Variants in SLC6A18 observed in about 807,000 individuals in gnomAD.
The protein encoded by SLC6A18 is solute carrier family 6 member 18.
A neutral mutation model predicts 62.9 loss-of-function variants in SLC6A18; 58 were observed. The observed-to-expected ratio is 0.92, with a 90% CI of 0.75 to 1.15. SLC6A18 has a LOEUF of 1.15. Ranked by LOEUF, SLC6A18 falls within the 50% of genes most tolerant of loss-of-function variation. The probability of loss-of-function intolerance (pLI) is 0.00; values close to 1 mark genes in which losing one functional copy is unlikely to be tolerated. For synonymous variants in SLC6A18, 382 were observed against 365.8 expected (o/e 1.04, Z -0.51); for missense variants, 793 against 836.6 (o/e 0.95, Z 0.64).
chr5:1,240,391 A>G, intron 6 of SLC6A18, 140 bp from the exon 7 acceptor site: 5 of 1,273,378 alleles, frequency 3.9e-6, no homozygotes, highest in Non-Finnish European at 4.3e-6. Context: ...CAGGACTGGC[A>G]GCAGCAGCCC....
intron 6 of SLC6A18, among the ~76,000 whole-genome samples, chr5:1,239,775 G>A (rs1296137255): frequency 6.6e-6 from 1 of 152,188 alleles, no homozygotes; most frequent in African/African-American, 2.4e-5. Context: ...CAGGAACCAG[G>A]GTGTAACTGG....
chr5:1,231,149 C>T (rs965667788), intron 1 of SLC6A18, among the ~76,000 whole-genome samples: 2 of 152,292 alleles, frequency 1.3e-5, no homozygotes, highest in African/African-American at 4.8e-5. Flanking sequence ...GTGGACTCCA[C>T]GGGAAGCCAG....
At position 1,242,859 on chromosome 5, in the gene SLC6A18, A is replaced by C; in HGVS notation, c.1127A>C (p.Asp376Ala). The C allele has an allele frequency of 3.1e-6, 5 of 1,609,166 alleles. No homozygotes were observed. The highest frequency in any genetic ancestry group is 4.2e-6 in the Non-Finnish European group (5 of 1,177,328). ...GCCTGCCTCCTGGAAGACTTTCTGG[A>C]TAAGGTACCTGCACACCCCCTGGGG... ...LKACLLEDFL[D>A]KSASGPGLAF... The change falls in exon 8 of 12, where the codon GAT becomes GCT. Residue 376 changes from aspartate to alanine, a missense_variant. Physicochemically the swap from Asp to Ala is moderately radical, Grantham distance 126 (BLOSUM62 -2). Transcript: ENST00000324642.
rs1334245858 is a variant in SLC6A18, at chr5:1,225,655, T to C, written c.160+18T>C. On this transcript the variant is annotated intron_variant, in intron 1 of 11. Coordinates refer to ENST00000324642, the MANE Select transcript of SLC6A18 (RefSeq NM_182632.3). ...TGGAGGAGGTAAGCACCCACCTGCG[T>C]CCTGGGGCAGACCCCTAAGCAGGGG... 1.3e-6 allele frequency: 2 copies of C among 1,545,224 alleles called. No individual in the cohort carries two copies. The highest frequency in any genetic ancestry group is 3.8e-5 in the Admixed American group (2 of 52,866).
At chr5:1,232,958 G>A in intron 3 of SLC6A18, 70 bp downstream of exon 3, 3 of 1,535,606 alleles carry the variant, frequency 2.0e-6, no homozygotes, top group Admixed American at 3.9e-5. Flanking sequence ...AGCGTGTCCA[G>A]CATCAGAGCA....
chr5:1,227,142 G>A (rs897303781), intron 1 of SLC6A18, among the ~76,000 whole-genome samples: 1 of 145,470 alleles, frequency 6.9e-6, no homozygotes, highest in African/African-American at 2.6e-5. Flanking sequence ...TGCCTTGCCC[G>A]CCGATGACTT....
chr5:1,233,014 G>A (rs1391160469), intron 3 of SLC6A18, 126 bp downstream of exon 3: 14 of 1,397,750 alleles, frequency 1.0e-5, no homozygotes, highest in East Asian at 4.9e-5. Context: ...CCGGGGAACC[G>A]GTTGCTCTGT....
chr5:1,236,438 C>A (rs1009173556), intron 4 of SLC6A18, among the ~76,000 whole-genome samples: 2 of 152,208 alleles, frequency 1.3e-5, no homozygotes, highest in Admixed American at 6.5e-5. Flanking sequence ...TTTAAACAAG[C>A]GATTATCTTT....
Position 1,246,171 on chromosome 5 carries a change from A to C in SLC6A18, c.*93A>C. The C allele has an allele frequency of 7.0e-7, 1 of 1,421,908 alleles. No homozygotes were observed. The highest frequency in any genetic ancestry group is 1.5e-5 in the African/African-American group (1 of 68,896). 88.1% of individuals were successfully genotyped at this position (1,421,908 alleles called of 1,614,324 possible). A position where few individuals can be genotyped will look rare whatever the true frequency, so the allele number is the denominator to read the frequency against. On this transcript the variant is annotated 3_prime_UTR_variant, in exon 12 of 12. Coordinates refer to ENST00000324642, the MANE Select transcript of SLC6A18 (RefSeq NM_182632.3). ...CCGCCCACAGGGCCGACCCCAATAC[A>C]CCAGCGACTCAACCTTGATGCCGCT...
chr5:1,229,605 G>A (rs1347782553), intron 1 of SLC6A18, among the ~76,000 whole-genome samples: 8 of 152,262 alleles, frequency 5.3e-5, no homozygotes, highest in Admixed American at 2.6e-4. Flanking sequence ...CCTGCCCACC[G>A]CGACGTGGTG....
chr5:1,230,165 G>T (rs1438189300), intron 1 of SLC6A18, among the ~76,000 whole-genome samples: 2 of 136,506 alleles, frequency 1.5e-5, no homozygotes, highest in African/African-American at 2.6e-5. Flanking sequence ...GGTCGTGGGG[G>T]AGGGAAGAGG....
chr5:1,233,585 CTTTTT>C (rs111463112), intron 3 of SLC6A18, among the ~76,000 whole-genome samples: 3 of 138,638 alleles, frequency 2.2e-5, no homozygotes, highest in Non-Finnish European at 1.5e-5. Context: ...ATATTTTCTT[CTTTTT>C]TTTTTTTTTT....
rs1481898558 is a variant in SLC6A18 at position 1,239,474 on chromosome 5, G to A, written c.757G>A (p.Val253Met). ...PNMHILQNPR[V>M]WLDAATQIFF... ...GATGCACATTCTCCAGAACCCCCGGGTGTGGCTGGACGCAGCCACCCAGAT... is the reference window on the plus strand; with the variant it reads ...GATGCACATTCTCCAGAACCCCCGGATGTGGCTGGACGCAGCCACCCAGAT... The change falls in exon 6 of 12, where the codon GTG becomes ATG. Residue 253 changes from valine (V) to methionine (M), a missense_variant. By Grantham distance (21) the Val-to-Met change is conservative. Transcript: ENST00000324642. 6.2e-7 allele frequency: 1 copy of A among 1,614,134 alleles called. No individual in the cohort carries two copies. The highest frequency in any genetic ancestry group is 8.5e-7 in the Non-Finnish European group (1 of 1,179,986).
chr5:1,232,973 C>T (rs1027420677), intron 3 of SLC6A18, 85 bp downstream of exon 3: 61 of 1,516,152 alleles, frequency 4.0e-5, no homozygotes, highest in East Asian at 3.7e-4. Context: ...AGAGCAGCTG[C>T]GGGTGGCGGA....
intron 2 of SLC6A18, 63 bp downstream of exon 2, chr5:1,232,422 A>G (rs2126529620): frequency 7.6e-7 from 1 of 1,321,476 alleles, no homozygotes; most frequent in South Asian, 1.3e-5. Flanking sequence ...CCTGGATGAG[A>G]GGTGGGGCGG....
intron 9 of SLC6A18, 39 bp from the exon 10 acceptor site, chr5:1,244,175 C>CCAACCCCA: frequency 6.4e-5 from 57 of 893,854 alleles, no homozygotes; most frequent in Non-Finnish European, 8.9e-5. Flanking sequence ...CTCCACTCCC[C>CCAACCCCA]ATCCCCTTAC....
chr5:1,244,987 G>C (rs6871519), intron 11 of SLC6A18, among the ~76,000 whole-genome samples: 9,280 of 152,264 alleles, frequency 0.061, 938 homozygotes, highest in African/African-American at 0.21. Context: ...GAAATGGCAT[G>C]GGGGTGACCA....
rs1747120658 is a variant in SLC6A18 at position 1,243,473 on chromosome 5, G to A, written c.1132-82G>A. The A allele has an allele frequency of 2.7e-6, 4 of 1,486,942 alleles. No homozygotes were observed. The highest frequency in any genetic ancestry group is 2.4e-5 in the South Asian group (2 of 83,682). The allele number at this position is 1,486,942 out of a possible 1,614,324, so 92.1% of individuals were successfully genotyped here. A position where few individuals can be genotyped will look rare whatever the true frequency, so the allele number is the denominator to read the frequency against. The stretch of plus-strand genomic sequence containing the variant: ...GCACTCGTGTCCTCGGCCTGGGAGA[G>A]TGTGTGTCCTGCAGGCAGGCGTGTG... On this transcript the variant is annotated intron_variant, in intron 8 of 11. Coordinates refer to ENST00000324642, the MANE Select transcript of SLC6A18 (RefSeq NM_182632.3). This position sits in a 1 kb window ranked among gnomAD's most constrained non-coding sequence, Gnocchi z 6.5.
rs770730736 is a variant in SLC6A18 at position 1,225,549 on chromosome 5, G to A, written c.72G>A (p.Lys24=). ...LGDERPKWDN[K]AQYLLSCTGF... is the part of the protein sequence containing the mutation. Reference sequence around the variant, plus strand: ...ATGAGAGGCCCAAGTGGGACAACAAGGCCCAGTACCTCCTGAGCTGCACTG... The same window carrying A: ...ATGAGAGGCCCAAGTGGGACAACAAAGCCCAGTACCTCCTGAGCTGCACTG... Residue 24 remains lysine, a synonymous_variant, in exon 1 of 12, where the codon AAG becomes AAA. Coordinates refer to ENST00000324642, the MANE Select transcript of SLC6A18 (RefSeq NM_182632.3). 1.9e-6 allele frequency: 3 copies of A among 1,613,324 alleles called. No individual in the cohort carries two copies. Among genetic ancestry groups the A allele is most frequent in the Non-Finnish European group, 2.5e-6 (3 of 1,179,376 alleles).
Sources: allele counts gnomAD v4.1 joint callset (sites outside exome capture counted in the v4.1 genomes callset), GRCh38; gene constraint gnomAD v4.1.1; non-coding constraint Gnocchi (gnomAD v3.1); transcripts MANE v1.5; gene names NCBI Gene and HGNC (gene_info 2026-07-23, HGNC 2026-07-21).